MAFK: variants seen among roughly 807,000 people sequenced by gnomAD.
The protein encoded by MAFK is MAF bZIP transcription factor K.
MAFK carries 1 observed loss-of-function variant against 9.2 expected under a neutral mutation model. The ratio of observed to expected loss-of-function variants is 0.11; its 90% CI spans 0.04 to 0.52. The LOEUF is 0.52. MAFK is among the 20% of genes least tolerant of loss of function. MAFK has a pLI of 0.94. For synonymous variants in MAFK, 110 were observed against 107.4 expected, an observed-to-expected ratio of 1.02 and a Z score of -0.15; for missense variants, 207 against 236.0, an observed-to-expected ratio of 0.88 and a Z score of 0.81.
chr7:1,535,396 T>G (rs1300520299), intron 1 of MAFK, among the ~76,000 whole-genome samples: 1 of 152,220 alleles, frequency 6.6e-6, no homozygotes, highest in Non-Finnish European at 1.5e-5. Flanking sequence ...GGCTCATACC[T>G]GTAATCCCAG....
At chr7:1,535,470 C>T (rs529772582) in intron 1 of MAFK, among the ~76,000 whole-genome samples, 2 of 152,316 alleles carry the variant, frequency 1.3e-5, no homozygotes, top group South Asian at 4.1e-4. Flanking sequence ...GCCTAGGCAA[C>T]ATGGTGAGAC....
rs750172949 is a variant in MAFK, at chr7:1,540,217, G to C, written c.313G>C (p.Asp105His). The C allele has an allele frequency of 2.5e-6, 4 of 1,598,726 alleles. No individual in the cohort carries two copies. The highest frequency in any genetic ancestry group is 3.4e-6 in the Non-Finnish European group (4 of 1,173,818). Residue 105 changes from aspartate (D) to histidine (H), a missense_variant, in exon 3 of 3, where the codon GAC becomes CAC. Transcript: ENST00000343242. ...RENSSMRLEL[D>H]ALRSKYEALQ... ...GAACAGCAGCATGCGGCTGGAGCTG[G>C]ACGCCCTGCGCTCCAAGTACGAGGC...
rs1350557185 is a variant in MAFK at position 1,540,473 on chromosome 7, C to G, written c.*98C>G. On this transcript the variant is annotated 3_prime_UTR_variant, in exon 3 of 3. Transcript: ENST00000343242. ...TCACTGGGATGCAGACTCTCGACAT[C>G]CGAGTCCAAGCGCAGGCCCCTCGGG... 2 of 1,232,786 alleles carry G rather than the reference C, an allele frequency of 1.6e-6. No individual in the cohort carries two copies. Among genetic ancestry groups the G allele is most frequent in the African/African-American group, 3.1e-5 (2 of 65,514 alleles). The allele number at this position is 1,232,786 out of a possible 1,614,324, so 76.4% of individuals were successfully genotyped here. A position where few individuals can be genotyped will look rare whatever the true frequency, so the allele number is the denominator to read the frequency against.
chr7:1,532,295 AC>A lies in MAFK; in HGVS notation c.-45+1398del, dbSNP rs1417381702. Among the ~76,000 whole-genome samples, 2 of 152,156 alleles carry A rather than the reference AC, an allele frequency of 1.3e-5. No individual in the cohort carries two copies. The highest frequency in any genetic ancestry group is 4.8e-5 in the African/African-American group (2 of 41,424). On this transcript the variant is annotated intron_variant, in intron 1 of 2. Transcript: ENST00000343242. The surrounding 1 kb of genome is among the most constrained non-coding windows in gnomAD (Gnocchi z 4.5). ...AAGAGCCGTGGGCGGGGTCTGGAGA[AC>A]ATAGGTGGGCTGTGCAGGTGTCTGG...
At chr7:1,535,085 C>CTTTTT (rs59057812) in intron 1 of MAFK, among the ~76,000 whole-genome samples, 4 of 111,936 alleles carry the variant, frequency 3.6e-5, no homozygotes, top group African/African-American at 1.1e-4. Flanking sequence ...ATTTAAAATT[C>CTTTTT]TTTTTTTTTT....
At position 1,532,221 on chromosome 7, in the gene MAFK, C is replaced by A. The variant is rs921333984; in HGVS notation, c.-45+1323C>A. Among the ~76,000 whole-genome samples, 2 of 152,186 alleles carry A rather than the reference C, an allele frequency of 1.3e-5. No homozygotes were observed. Among genetic ancestry groups the A allele is most frequent in the African/African-American group, 4.8e-5 (2 of 41,434 alleles). On this transcript the variant is annotated intron_variant, in intron 1 of 2. Coordinates refer to ENST00000343242, the MANE Select transcript of MAFK (RefSeq NM_002360.4). The surrounding 1 kb of genome is among the most constrained non-coding windows in gnomAD (Gnocchi z 4.5). ...GGTTCTCCAACACAGAGTGGGGTGC[C>A]CTATGCAGCTTCTCCAAACCCAATG...
rs909758397 is a variant in MAFK at position 1,534,935 on chromosome 7, G to T, written c.-45+4037G>T. 2.0e-5 allele frequency among the ~76,000 whole-genome samples: 3 copies of T among 151,596 alleles called. No homozygotes were observed. Among genetic ancestry groups the T allele is most frequent in the African/African-American group, 7.3e-5 (3 of 41,220 alleles). On this transcript the variant is annotated intron_variant, in intron 1 of 2. Coordinates refer to ENST00000343242, the MANE Select transcript of MAFK (RefSeq NM_002360.4). The surrounding 1 kb of genome is among the most constrained non-coding windows in gnomAD (Gnocchi z 4.3). ...TTTTTTTCCTAAAAGATAAGGTCTTGCCCTGTCACTCAGGCTGCTGGAGTG... is the reference window on the plus strand; with the variant it reads ...TTTTTTTCCTAAAAGATAAGGTCTTTCCCTGTCACTCAGGCTGCTGGAGTG...
intron 1 of MAFK, among the ~76,000 whole-genome samples, chr7:1,531,482 C>G (rs935941907): frequency 6.6e-6 from 1 of 152,176 alleles, no homozygotes; most frequent in African/African-American, 2.4e-5. Context: ...GATCCTGGGA[C>G]TGGTGTCGCT....
chr7:1,531,408 C>T (rs1278641251), intron 1 of MAFK, among the ~76,000 whole-genome samples: 2 of 152,152 alleles, frequency 1.3e-5, no homozygotes, highest in African/African-American at 4.8e-5. Flanking sequence ...GCGCTCTGGC[C>T]CAGTGGCTGG....
At chr7:1,538,292 C>G (rs1029650291) in intron 1 of MAFK, 1 of 985,552 alleles carries the variant, frequency 1.0e-6, no homozygotes, top group Non-Finnish European at 1.2e-6. Context: ...GCCAGACGGT[C>G]AAATGCTCGG....
In MAFK at chr7:1,540,272, G is replaced by C; in HGVS notation, c.368G>C (p.Arg123Pro). The C allele has an allele frequency of 3.7e-6, 6 of 1,611,156 alleles. No homozygotes were observed. Among genetic ancestry groups the C allele is most frequent in the Non-Finnish European group, 5.1e-6 (6 of 1,179,170 alleles). The change falls in exon 3 of 3, where the codon CGG (arginine) becomes CCG (proline). Residue 123 changes from arginine (R) to proline (P), a missense_variant. Coordinates refer to ENST00000343242, the MANE Select transcript of MAFK (RefSeq NM_002360.4). ...CAGACCTTCGCGCGCACCGTGGCCC[G>C]GGGACCTGTGGCGCCCTCCAAGGTG... Reference protein sequence around the residue: ...ALQTFARTVARGPVAPSKVAT... With the variant: ...ALQTFARTVAPGPVAPSKVAT...
chr7:1,531,206 G>T (rs1288984522), intron 1 of MAFK, among the ~76,000 whole-genome samples: 1 of 149,766 alleles, frequency 6.7e-6, no homozygotes, highest in Non-Finnish European at 1.5e-5. Flanking sequence ...CTGGGAGGAC[G>T]AGGATCCACG....
At chr7:1,536,773 A>G (rs1481248693) in intron 1 of MAFK, among the ~76,000 whole-genome samples, 8 of 152,220 alleles carry the variant, frequency 5.3e-5, no homozygotes, top group Non-Finnish European at 1.2e-4. Context: ...GCACCATCCC[A>G]TCCCGTGCTG....
In MAFK at chr7:1,534,057, G is replaced by C. The variant is rs1156720086; in HGVS notation, c.-45+3159G>C. On this transcript the variant is annotated intron_variant, in intron 1 of 2. Transcript: ENST00000343242. This position sits in a 1 kb window ranked among gnomAD's most constrained non-coding sequence, Gnocchi z 4.3. ...CTTCCTCAGACTGCAAATGCAAGGT[G>C]ACCAGACGTCCTCCAAGCCGGGCCG... 2.8e-6 allele frequency: 1 copy of C among 361,762 alleles called. No individual in the cohort carries two copies. The highest frequency in any genetic ancestry group is 2.1e-5 in the African/African-American group (1 of 47,106). 22.4% of individuals were successfully genotyped at this position (361,762 alleles called of 1,614,324 possible).
chr7:1,536,759 G>A (rs948467519), intron 1 of MAFK, among the ~76,000 whole-genome samples: 1 of 152,234 alleles, frequency 6.6e-6, no homozygotes, highest in African/African-American at 2.4e-5. Context: ...AGAGGGAGGC[G>A]CCAGCACCAT....
rs886120369 is a variant in MAFK, at chr7:1,532,657, G to A, written c.-45+1759G>A. ...CACCCGGGAGGCTGCTGTTAAGGGA[G>A]ACCGTCTTCCGGGCCACTTCGCTGT... On this transcript the variant is annotated intron_variant, in intron 1 of 2. Transcript: ENST00000343242. This position sits in a 1 kb window ranked among gnomAD's most constrained non-coding sequence, Gnocchi z 4.5. Among the ~76,000 whole-genome samples the A allele has an allele frequency of 9.9e-5, 15 of 152,218 alleles. No individual in the cohort carries two copies. The South Asian group carries it at 3.1e-3, about 32-fold the overall frequency.
In MAFK at chr7:1,538,957, CG is replaced by C. The variant is rs1784106353; in HGVS notation, c.-44-189del. On this transcript the variant is annotated intron_variant, in intron 1 of 2. Coordinates refer to ENST00000343242, the MANE Select transcript of MAFK (RefSeq NM_002360.4). ...TGAACCCTCAGGCAGGGACAGAGGC[CG>C]GGCCAGGATGCCTCACCCCCTGGGA... The C allele has an allele frequency of 5.4e-6, 3 of 557,648 alleles. No individual in the cohort carries two copies. The Admixed American group carries it at 9.8e-5, about 18-fold the overall frequency. 34.5% of individuals were successfully genotyped at this position (557,648 alleles called of 1,614,324 possible).
In MAFK at chr7:1,542,467, G is replaced by A. The variant is rs986921318; in HGVS notation, c.*2092G>A. The A allele has an allele frequency of 1.3e-5, 2 of 152,382 alleles. No homozygotes were observed. Among genetic ancestry groups the A allele is most frequent in the East Asian group, 1.9e-4 (1 of 5,174 alleles). The allele number at this position is 152,382 out of a possible 1,614,324, so 9.4% of individuals were successfully genotyped here. A position where few individuals can be genotyped will look rare whatever the true frequency, so the allele number is the denominator to read the frequency against. On this transcript the variant is annotated 3_prime_UTR_variant, in exon 3 of 3. Transcript: ENST00000343242. ...CGCAGCGGGTGGCCGGTTCTGTCCC[G>A]TCTTGGGGTTCTTGGTGTCCACGTC...
chr7:1,535,308 C>T (rs1224378880), intron 1 of MAFK, among the ~76,000 whole-genome samples: 1 of 152,152 alleles, frequency 6.6e-6, no homozygotes, highest in Non-Finnish European at 1.5e-5. Context: ...GCCAGCCCCC[C>T]ACTGAGCAGG....
Sources: gnomAD v4.1 joint callset for allele counts (sites outside exome capture counted in the v4.1 genomes callset) on GRCh38, gnomAD v4.1.1 for gene constraint, Gnocchi (gnomAD v3.1) non-coding constraint, MANE v1.5 for transcripts, NCBI Gene and HGNC (gene_info 2026-07-23, HGNC 2026-07-21) for gene names.